The following ATP11C variants were observed in gnomAD, a reference collection of about 807,000 sequenced individuals.
The protein encoded by ATP11C is phospholipid-transporting ATPase IG.
ATP11C carries 36 observed loss-of-function variants against 97.4 expected under a neutral mutation model. That is an observed-to-expected ratio of 0.37 (90% CI 0.28 to 0.49). The LOEUF (loss-of-function observed/expected upper bound fraction) is 0.49. Among genes scored for constraint, ATP11C ranks in the 20% least tolerant of loss-of-function variants. The pLI is 0.98. For synonymous variants in ATP11C, 275 were observed against 290.9 expected, an observed-to-expected ratio of 0.95 and a Z score of 0.56; for missense variants, 730 against 824.6, an observed-to-expected ratio of 0.89 and a Z score of 1.40.
At chrX:139,739,431 A>G (rs2081511081) in intron 27 of ATP11C, among the ~76,000 whole-genome samples, 1 of 110,705 alleles carries the variant, frequency 9.0e-6, no homozygotes, top group Admixed American at 9.6e-5. Context: ...GTGTGACTCA[A>G]TGCCTCAGGG....
In ATP11C at chrX:139,732,314, C is replaced by T. The variant is rs2081361340; in HGVS notation, c.3289-559G>A. 3 of 214,175 alleles carry T rather than the reference C, an allele frequency of 1.4e-5. No homozygotes were observed. The South Asian group carries it at 1.8e-4, about 13-fold the overall frequency. 17.7% of individuals were successfully genotyped at this position (214,175 alleles called of 1,213,427 possible). A position where few individuals can be genotyped will look rare whatever the true frequency, so the allele number is the denominator to read the frequency against. On this transcript the variant is annotated intron_variant, in intron 28 of 29. Coordinates refer to ENST00000682941, the MANE Select transcript of ATP11C (RefSeq NM_001353812.2). ...ATGATTAAAAGAAAATGACAAAATA[C>T]TCTAAGCATCAATAGAAGATATAAA...
At chrX:139,765,614 A>G (rs2082121024) in intron 20 of ATP11C, among the ~76,000 whole-genome samples, 2 of 112,327 alleles carry the variant, frequency 1.8e-5, no homozygotes, top group African/African-American at 6.5e-5. Context: ...AGTATTCCAG[A>G]GAAAGGAACT....
At chrX:139,758,496 G>A (rs1019964891) in intron 22 of ATP11C, among the ~76,000 whole-genome samples, 1 of 111,410 alleles carries the variant, frequency 9.0e-6, no homozygotes, top group African/African-American at 3.3e-5. Flanking sequence ...ATTAGGGCCC[G>A]AGGTCTCTGG....
At chrX:139,849,541 A>T (rs1353269868) in intron 1 of ATP11C, among the ~76,000 whole-genome samples, 1 of 111,636 alleles carries the variant, frequency 9.0e-6, no homozygotes, top group African/African-American at 3.3e-5. Flanking sequence ...ACCATTGAAT[A>T]AATGACCATG....
rs138656991 is a variant in ATP11C at position 139,806,978 on chromosome X, C to T, written c.427-2379G>A. Among the ~76,000 whole-genome samples, 295 of 111,058 alleles carry T rather than the reference C, an allele frequency of 2.7e-3. 2 individuals are homozygous for T. The highest frequency in any genetic ancestry group is 8.0e-3 in the African/African-American group (244 of 30,473). Reference sequence around the variant, plus strand: ...TGCTACAGGGAATTGGACAGGAAACCTATCATACCAATAACCTGGTGCTGA... The same window carrying T: ...TGCTACAGGGAATTGGACAGGAAACTTATCATACCAATAACCTGGTGCTGA... On this transcript the variant is annotated intron_variant, in intron 5 of 29. Coordinates refer to ENST00000682941, the MANE Select transcript of ATP11C (RefSeq NM_001353812.2).
chrX:139,751,735 G>A (rs1450715668), intron 23 of ATP11C, among the ~76,000 whole-genome samples: 1 of 108,336 alleles, frequency 9.2e-6, no homozygotes, highest in African/African-American at 3.4e-5. Flanking sequence ...AACAGATAAA[G>A]TTGATAATAC....
rs144241875 is a variant in ATP11C, at chrX:139,763,015, C to T, written c.2494+301G>A. On this transcript the variant is annotated intron_variant, in intron 21 of 29. Coordinates refer to ENST00000682941, the MANE Select transcript of ATP11C (RefSeq NM_001353812.2). ...AAAATCAATAAAAATTTCATGCATG[C>T]TGTCAAAGTAAGAGCTAAACAATCA... Among the ~76,000 whole-genome samples, 234 of 112,328 alleles carry T rather than the reference C, an allele frequency of 2.1e-3. 1 individual carries two copies. The highest frequency in any genetic ancestry group is 7.3e-3 in the African/African-American group (225 of 30,937).
chrX:139,750,730 T>C (rs185228615), intron 23 of ATP11C, among the ~76,000 whole-genome samples: 2 of 111,522 alleles, frequency 1.8e-5, no homozygotes, highest in African/African-American at 6.5e-5. Context: ...ATGGGGGTCT[T>C]TGACTGGAGA....
intron 1 of ATP11C, among the ~76,000 whole-genome samples, chrX:139,867,424 T>C (rs368245770): frequency 4.5e-5 from 5 of 111,093 alleles, no homozygotes; most frequent in African/African-American, 1.6e-4. Context: ...ACATTATGAC[T>C]AAAGGAGAGA....
At chrX:139,787,292 A>G in intron 14 of ATP11C, 48 bp from the exon 15 acceptor site, 1 of 1,033,910 alleles carries the variant, frequency 9.7e-7, no homozygotes. Flanking sequence ...AAGAATGATT[A>G]ATTTTTTTAT....
rs1335078531 is a variant in ATP11C, at chrX:139,793,169, T to C, written c.1206+3104A>G. Among the ~76,000 whole-genome samples the C allele has an allele frequency of 2.6e-4, 29 of 112,007 alleles. No homozygotes were observed. The Admixed American group carries it at 2.7e-3, about 11-fold the overall frequency. On this transcript the variant is annotated intron_variant, in intron 12 of 29. Coordinates refer to ENST00000682941, the MANE Select transcript of ATP11C (RefSeq NM_001353812.2). Reference sequence around the variant, plus strand: ...TTGGACACAGAAGTCTCTGTGTTGTTTGCTGTGAGAGCACAGTAAAAACAC... The same window carrying C: ...TTGGACACAGAAGTCTCTGTGTTGTCTGCTGTGAGAGCACAGTAAAAACAC...
chrX:139,852,066 G>C (rs772543492), intron 1 of ATP11C, among the ~76,000 whole-genome samples: 12 of 109,606 alleles, frequency 1.1e-4, no homozygotes, highest in African/African-American at 4.0e-4. Flanking sequence ...CCAGCTATGT[G>C]GGAGACTGAG....
intron 18 of ATP11C, among the ~76,000 whole-genome samples, chrX:139,776,449 C>T (rs953964403): frequency 8.9e-6 from 1 of 111,935 alleles, no homozygotes; most frequent in Non-Finnish European, 1.9e-5. Flanking sequence ...CCATGGTCTG[C>T]AGCCACAATG....
At chrX:139,813,395 A>G (rs984585285) in intron 5 of ATP11C, among the ~76,000 whole-genome samples, 1 of 112,018 alleles carries the variant, frequency 8.9e-6, no homozygotes, top group Admixed American at 9.5e-5. Context: ...ACATACTCTT[A>G]CCATACAATT....
chrX:139,847,275 C>T (rs757635735), intron 1 of ATP11C, among the ~76,000 whole-genome samples: 1 of 110,409 alleles, frequency 9.1e-6, no homozygotes, highest in African/African-American at 3.3e-5. Context: ...CCAAGCTACT[C>T]GGGAGATTGA....
chrX:139,896,622 TCTCTC>T (rs1187269844), intron 1 of ATP11C, among the ~76,000 whole-genome samples: 1 of 58,541 alleles, frequency 1.7e-5, no homozygotes, highest in African/African-American at 1.7e-4. Flanking sequence ...AGAAAGAGTC[TCTCTC>T]TCTCTCTCTC....
chrX:139,862,150 T>G lies in ATP11C; in HGVS notation c.28-35327A>C, dbSNP rs2084210494. The stretch of plus-strand genomic sequence containing the variant: ...AGAAAGGGTTCAGAGGGCTTCTGGA[T>G]AGCTGAACACATGTAGGTTCCTAGA... On this transcript the variant is annotated intron_variant, in intron 1 of 29. Transcript: ENST00000682941. Among the ~76,000 whole-genome samples, 3 of 111,849 alleles carry G rather than the reference T, an allele frequency of 2.7e-5. No individual in the cohort carries two copies. The Admixed American group carries it at 2.9e-4, about 11-fold the overall frequency.
intron 1 of ATP11C, among the ~76,000 whole-genome samples, chrX:139,873,678 G>A (rs764930715): frequency 3.2e-5 from 3 of 92,919 alleles, no homozygotes; most frequent in African/African-American, 1.3e-4. Flanking sequence ...CTGCACTCCA[G>A]GCTGGGTAAC....
chrX:139,809,830 G>A (rs1358678727), intron 5 of ATP11C, among the ~76,000 whole-genome samples: 1 of 110,725 alleles, frequency 9.0e-6, no homozygotes, highest in Non-Finnish European at 1.9e-5. Context: ...GCCGGGCATG[G>A]TGGCGCATGC....
Sources: gnomAD v4.1 joint callset for allele counts (sites outside exome capture counted in the v4.1 genomes callset) on GRCh38, gnomAD v4.1.1 for gene constraint, MANE v1.5 for transcripts, NCBI Gene and HGNC (gene_info 2026-07-23, HGNC 2026-07-21) for gene names.